The following OCA2 variants were observed in gnomAD, a reference collection of about 807,000 sequenced individuals.
The protein encoded by OCA2 is OCA2 melanosomal transmembrane protein, also known as P protein.
A neutral mutation model predicts 100.2 loss-of-function variants in OCA2; 77 were observed. The observed-to-expected ratio is 0.77, with a 90% CI of 0.64 to 0.93. The LOEUF (loss-of-function observed/expected upper bound fraction) is 0.93. OCA2 is among the 40% of genes least tolerant of loss of function. The pLI, the probability that OCA2 is intolerant of heterozygous loss-of-function variation, is 0.00. For missense variants in OCA2, 1,062 were observed against 1,089.1 expected (o/e 0.98, Z 0.35); for synonymous variants, 432 against 439.2 (o/e 0.98, Z 0.21).
intron 23 of OCA2, among the ~76,000 whole-genome samples, chr15:27,772,911 A>G (rs968316915): frequency 6.6e-6 from 1 of 151,948 alleles, no homozygotes; most frequent in African/African-American, 2.4e-5. Flanking sequence ...TCAGAGACAG[A>G]TAGTGTCATA....
At chr15:27,978,919 T>G (rs1437958025) in intron 14 of OCA2, among the ~76,000 whole-genome samples, 1 of 152,196 alleles carries the variant, frequency 6.6e-6, no homozygotes, top group Non-Finnish European at 1.5e-5. Context: ...ACTCTTGATC[T>G]TAGGTGATCC....
intron 18 of OCA2, 21 bp from the exon 19 acceptor site, chr15:27,926,275 A>G: frequency 6.2e-7 from 1 of 1,613,722 alleles, no homozygotes; most frequent in Non-Finnish European, 8.5e-7. Flanking sequence ...GTAAATAGAC[A>G]TAGAGATATA....
intron 23 of OCA2, among the ~76,000 whole-genome samples, chr15:27,826,205 G>A (rs956457487): frequency 3.4e-4 from 52 of 152,208 alleles, no homozygotes; most frequent in African/African-American, 1.3e-3. Flanking sequence ...CGCCCTGTTA[G>A]GGAAGGTGCA....
chr15:28,053,655 T>G (rs988841167), intron 2 of OCA2, among the ~76,000 whole-genome samples: 5 of 152,146 alleles, frequency 3.3e-5, no homozygotes, highest in African/African-American at 4.8e-5. Context: ...CCCCAGCCCA[T>G]GAGGTCTCCC....
chr15:27,844,918 T>C (rs764004587), intron 23 of OCA2, 41 bp downstream of exon 23: 2 of 1,363,678 alleles, frequency 1.5e-6, no homozygotes, highest in Non-Finnish European at 2.1e-6. Context: ...GCTTAGGAAC[T>C]AGACAGTTTA....
chr15:27,942,717 G>A (rs1258886723), intron 18 of OCA2, among the ~76,000 whole-genome samples: 1 of 152,102 alleles, frequency 6.6e-6, no homozygotes, highest in Non-Finnish European at 1.5e-5. Context: ...TCTCCCCCAT[G>A]ATTTCATTTC....
chr15:27,742,450 G>A, the OCA2 span, among the ~76,000 whole-genome samples: 1 of 152,134 alleles, frequency 6.6e-6, no homozygotes, highest in South Asian at 2.1e-4. Flanking sequence ...TGTGGGAGGG[G>A]GACAAAAGCC....
At chr15:28,085,220 G>A (rs1274356664) in intron 1 of OCA2, among the ~76,000 whole-genome samples, 3 of 152,102 alleles carry the variant, frequency 2.0e-5, no homozygotes, top group East Asian at 1.9e-4. Flanking sequence ...GACAGTGTAC[G>A]CGCCTGCTCT....
Position 27,851,466 on chromosome 15 carries a change from G to C in OCA2, c.2254C>G (p.Leu752Val). 6.2e-7 allele frequency: 1 copy of C among 1,613,290 alleles called. No individual in the cohort carries two copies. The highest frequency in any genetic ancestry group is 8.5e-7 in the Non-Finnish European group (1 of 1,179,688). ...IPFTATMIPV[L>V]LNLSHDPEVG... ...TCAGGGTCGTGGCTCAGGTTCAGGA[G>C]CACGGGAATCTGTGGAGGAAGAGGA... The change falls in exon 22 of 24, where the codon CTC (leucine) becomes GTC (valine). Residue 752 changes from leucine to valine, a missense_variant. Transcript: ENST00000354638.
At chr15:27,910,108 A>C (rs1180454572) in intron 19 of OCA2, among the ~76,000 whole-genome samples, 1 of 152,068 alleles carries the variant, frequency 6.6e-6, no homozygotes, top group African/African-American at 2.4e-5. Context: ...GAAAAAAAAA[A>C]GTTCAAATTC....
intron 18 of OCA2, among the ~76,000 whole-genome samples, chr15:27,929,825 A>AAATTT (rs71132826): frequency 8.0e-5 from 12 of 149,164 alleles, no homozygotes; most frequent in Admixed American, 2.7e-4. Flanking sequence ...CAAATGGGAA[A>AAATTT]TATTTTAAAC....
chr15:27,759,113 C>T (rs2030626627), intron 23 of OCA2, among the ~76,000 whole-genome samples: 1 of 152,142 alleles, frequency 6.6e-6, no homozygotes, highest in African/African-American at 2.4e-5. Flanking sequence ...CTACAAGTTT[C>T]TCCTCAGAAA....
downstream of OCA2, among the ~76,000 whole-genome samples, chr15:27,752,601 T>A (rs1004947686): frequency 4.6e-5 from 7 of 152,084 alleles, no homozygotes; most frequent in Non-Finnish European, 7.4e-5. Flanking sequence ...GTGCTTCCTG[T>A]CCCCTGGCTT....
chr15:27,914,915 A>C (rs2038606265), intron 19 of OCA2, among the ~76,000 whole-genome samples: 1 of 152,200 alleles, frequency 6.6e-6, no homozygotes, highest in Non-Finnish European at 1.5e-5. Context: ...AGGAAGTTTA[A>C]AGCAAAAAGA....
At chr15:27,860,700 C>T (rs1326443015) in intron 21 of OCA2, among the ~76,000 whole-genome samples, 2 of 152,226 alleles carry the variant, frequency 1.3e-5, no homozygotes, top group Non-Finnish European at 2.9e-5. Context: ...CAATCCACCA[C>T]TGATGGGCAT....
At chr15:27,946,398 TC>T (rs1245267945) in intron 18 of OCA2, among the ~76,000 whole-genome samples, 3 of 152,206 alleles carry the variant, frequency 2.0e-5, no homozygotes, top group Admixed American at 2.0e-4. Context: ...TGTCAGCCAA[TC>T]CCCGCAGCCA....
intron 18 of OCA2, among the ~76,000 whole-genome samples, chr15:27,946,503 C>G (rs1043671615): frequency 6.6e-6 from 1 of 152,246 alleles, no homozygotes; most frequent in Non-Finnish European, 1.5e-5. Flanking sequence ...CTGTACCTCA[C>G]TTCCGATTCC....
intron 23 of OCA2, among the ~76,000 whole-genome samples, chr15:27,793,434 C>G (rs1463454302): frequency 6.6e-6 from 1 of 151,438 alleles, no homozygotes; most frequent in Non-Finnish European, 1.5e-5. Flanking sequence ...TTTCAGATGA[C>G]TCTTAGCTGG....
intron 19 of OCA2, among the ~76,000 whole-genome samples, chr15:27,909,883 TA>T (rs2038319955): frequency 6.6e-6 from 1 of 152,160 alleles, no homozygotes; most frequent in African/African-American, 2.4e-5. Flanking sequence ...TAAAGTGTCT[TA>T]AAATTACATG....
Sources: allele counts gnomAD v4.1 joint callset (sites outside exome capture counted in the v4.1 genomes callset), GRCh38; gene constraint gnomAD v4.1.1; transcripts MANE v1.5; gene names NCBI Gene and HGNC (gene_info 2026-07-23, HGNC 2026-07-21).